NISCH: variants seen among roughly 807,000 people sequenced by gnomAD.
NISCH encodes the protein nischarin.
A neutral mutation model predicts 138.4 loss-of-function variants in NISCH; 55 were observed. The ratio of observed to expected loss-of-function variants is 0.40; its 90% CI spans 0.32 to 0.50. The LOEUF is 0.50. Ranked by LOEUF, NISCH falls within the 20% of genes least tolerant of loss-of-function variation. NISCH has a pLI of 0.71. For synonymous variants in NISCH, 860 were observed against 861.5 expected (o/e 1.00, Z 0.03); for missense variants, 1,643 against 2,005.5 (o/e 0.82, Z 3.45).
At chr3:52,475,064 A>G (rs1458957683) in intron 7 of NISCH, among the ~76,000 whole-genome samples, 1 of 152,134 alleles carries the variant, frequency 6.6e-6, no homozygotes, top group African/African-American at 2.4e-5. Flanking sequence ...CCTGATCAAG[A>G]CTTAGGTTTG....
rs78604929 is a variant in NISCH at position 52,483,846 on chromosome 3, C to A, written c.1529-667C>A. Among the ~76,000 whole-genome samples the A allele has an allele frequency of 3.3e-5, 5 of 152,346 alleles. No individual in the cohort carries two copies. The South Asian group carries it at 1.0e-3, about 32-fold the overall frequency. ...CATTTCAGGCTCTTGATGGATGTAC[C>A]TCCAAACTCTTCTCTGGATGGGTGG... On this transcript the variant is annotated intron_variant, in intron 13 of 20. Transcript: ENST00000345716.
intron 4 of NISCH, chr3:52,471,593 G>C: frequency 1.7e-6 from 1 of 581,188 alleles, no homozygotes; most frequent in Non-Finnish European, 3.1e-6. Context: ...CAGCCTCACA[G>C]CCCCACAGCC....
chr3:52,469,837 C>T (rs1461813537), intron 3 of NISCH, among the ~76,000 whole-genome samples: 1 of 151,824 alleles, frequency 6.6e-6, no homozygotes, highest in African/African-American at 2.4e-5. Context: ...ATCTCTTGAA[C>T]CTGGGAGGCA....
intron 3 of NISCH, chr3:52,470,614 A>C (rs1706917139): frequency 1.7e-6 from 1 of 572,376 alleles, no homozygotes; most frequent in Non-Finnish European, 3.1e-6. Flanking sequence ...TATGGACTGG[A>C]GTCGCAGCAT....
intron 8 of NISCH, among the ~76,000 whole-genome samples, chr3:52,477,252 G>A (rs1006703482): frequency 1.3e-5 from 2 of 152,182 alleles, no homozygotes; most frequent in African/African-American, 2.4e-5. Flanking sequence ...TGTCGTTCCC[G>A]TGTTTGCGCT....
rs1447048082 is a variant in NISCH at position 52,492,477 on chromosome 3, G to C, written c.4510G>C (p.Gly1504Arg). The C allele has an allele frequency of 1.9e-6, 3 of 1,593,578 alleles. No homozygotes were observed. In the East Asian group the frequency reaches 6.7e-5, roughly 36 times the overall value. ...CCGTGAGCTGCCTGTCGAGCTCACC[G>C]GCTAGCCCAGGCCACAGCCAGCCTG... ...CGRELPVELT[G>R] Residue 1504 changes from glycine (G) to arginine (R), a missense_variant, in exon 21 of 21, where the codon GGC (glycine) becomes CGC (arginine). Physicochemically the swap from Gly to Arg is moderately radical, Grantham distance 125. Transcript: ENST00000345716.
At chr3:52,477,454 A>T in intron 8 of NISCH, 120 bp from the exon 9 acceptor site, 2 of 764,988 alleles carry the variant, frequency 2.6e-6, no homozygotes, top group Non-Finnish European at 4.6e-6. Flanking sequence ...TCCTGCAGGG[A>T]CGGCCCGTGG....
At chr3:52,464,053 C>T (rs889147182) in intron 3 of NISCH, among the ~76,000 whole-genome samples, 1 of 151,706 alleles carries the variant, frequency 6.6e-6, no homozygotes, top group Non-Finnish European at 1.5e-5. Context: ...TGATATTTGG[C>T]CATTTGTGTA....
In NISCH at chr3:52,492,731, C is replaced by T. The variant is rs574652136; in HGVS notation, c.*249C>T. 31 of 536,040 alleles carry T rather than the reference C, an allele frequency of 5.8e-5. No individual in the cohort carries two copies. The South Asian group carries it at 7.5e-4, about 13-fold the overall frequency. 33.2% of individuals were successfully genotyped at this position (536,040 alleles called of 1,614,324 possible). ...GTGGTACAGCCGTGCACACCAGTGT[C>T]GTGTCTGCTGTTGTGGGACCGTTGT... On this transcript the variant is annotated 3_prime_UTR_variant, in exon 21 of 21. Coordinates refer to ENST00000345716, the MANE Select transcript of NISCH (RefSeq NM_007184.4).
chr3:52,459,861 C>G (rs1394882754), intron 3 of NISCH, among the ~76,000 whole-genome samples: 1 of 151,220 alleles, frequency 6.6e-6, no homozygotes, highest in African/African-American at 2.4e-5. Context: ...TAAGGACAAC[C>G]CTAAAGTCTA....
intron 3 of NISCH, among the ~76,000 whole-genome samples, chr3:52,468,837 A>G (rs1284626990): frequency 6.6e-6 from 1 of 152,184 alleles, no homozygotes; most frequent in Admixed American, 6.5e-5. Context: ...TAAAGAACCA[A>G]AAGAAAATTA....
At chr3:52,472,501 C>T (rs1259906698) in intron 6 of NISCH, 103 bp downstream of exon 6, 25 of 1,059,078 alleles carry the variant, frequency 2.4e-5, no homozygotes, top group South Asian at 2.1e-4. Context: ...GCTGTGCTTT[C>T]GTGTTTGGCA....
chr3:52,480,074 C>A, intron 12 of NISCH, 110 bp from the exon 13 acceptor site: 1 of 1,260,000 alleles, frequency 7.9e-7, no homozygotes, highest in Non-Finnish European at 1.1e-6. Context: ...ATGAGACCAT[C>A]TTTACCACCC....
At chr3:52,483,185 G>A (rs1186279095) in intron 13 of NISCH, among the ~76,000 whole-genome samples, 1 of 152,178 alleles carries the variant, frequency 6.6e-6, no homozygotes, top group East Asian at 1.9e-4. Flanking sequence ...CTGCTGCTTC[G>A]CTTCGTGGGG....
chr3:52,463,714 C>CTTTTT (rs71084184), intron 3 of NISCH, among the ~76,000 whole-genome samples: 13 of 41,442 alleles, frequency 3.1e-4, no homozygotes, highest in East Asian at 8.5e-4. Context: ...TATTGAACCT[C>CTTTTT]TTTTTTTTTT....
intron 7 of NISCH, 107 bp from the exon 8 acceptor site, chr3:52,476,340 A>G (rs1315451083): frequency 5.6e-6 from 7 of 1,241,716 alleles, no homozygotes; most frequent in South Asian, 4.0e-5. Flanking sequence ...TTACTTCCAC[A>G]TGCTAAATAT....
chr3:52,490,366 T>C lies in NISCH; in HGVS notation c.3613+135T>C, dbSNP rs968449346. The C allele has an allele frequency of 8.3e-5, 83 of 1,004,508 alleles. No individual in the cohort carries two copies. In the Middle Eastern group the frequency reaches 9.6e-4, roughly 12 times the overall value. 62.2% of individuals were successfully genotyped at this position (1,004,508 alleles called of 1,614,324 possible). A position where few individuals can be genotyped will look rare whatever the true frequency, so the allele number is the denominator to read the frequency against. On this transcript the variant is annotated intron_variant, in intron 18 of 20. Coordinates refer to ENST00000345716, the MANE Select transcript of NISCH (RefSeq NM_007184.4). ...TTGGCTGCAGTGGGCTGAGAGTTCC[T>C]TGTCTGAGGAAGGGAGCTGTCATGA...
intron 8 of NISCH, among the ~76,000 whole-genome samples, chr3:52,477,225 C>T (rs1244283321): frequency 6.6e-6 from 1 of 152,194 alleles, no homozygotes; most frequent in Non-Finnish European, 1.5e-5. Context: ...ACCCAGAGGG[C>T]ATTTGGGCAG....
intron 8 of NISCH, 88 bp from the exon 9 acceptor site, chr3:52,477,486 C>T (rs1578296497): frequency 2.8e-6 from 3 of 1,090,450 alleles, no homozygotes; most frequent in East Asian, 2.4e-5. Context: ...CGGGAGGAAG[C>T]GTCCTGGGGT....
Sources: allele counts gnomAD v4.1 joint callset (sites outside exome capture counted in the v4.1 genomes callset), GRCh38; gene constraint gnomAD v4.1.1; transcripts MANE v1.5; gene names NCBI Gene and HGNC (gene_info 2026-07-23, HGNC 2026-07-21).